SLC24A4: variants seen among roughly 807,000 people sequenced by gnomAD.
SLC24A4 encodes the protein sodium/potassium/calcium exchanger 4.
A neutral mutation model predicts 79.0 loss-of-function variants in SLC24A4; 53 were observed. That is an observed-to-expected ratio of 0.67 (90% CI 0.54 to 0.84). The LOEUF (loss-of-function observed/expected upper bound fraction) is 0.84. Ranked by LOEUF, SLC24A4 falls within the 40% of genes least tolerant of loss-of-function variation. SLC24A4 has a pLI of 0.00. For synonymous variants in SLC24A4, 323 were observed against 323.8 expected, an observed-to-expected ratio of 1.00 and a Z score of 0.03; for missense variants, 731 against 822.0, an observed-to-expected ratio of 0.89 and a Z score of 1.35.
At chr14:92,329,950 C>G (rs1044297308) in intron 2 of SLC24A4, among the ~76,000 whole-genome samples, 2 of 152,214 alleles carry the variant, frequency 1.3e-5, no homozygotes, top group Admixed American at 1.3e-4. Flanking sequence ...ACCTCAAGAG[C>G]TTTATAGGAA....
intron 2 of SLC24A4, among the ~76,000 whole-genome samples, chr14:92,409,676 A>G (rs1310680372): frequency 3.3e-5 from 5 of 152,204 alleles, no homozygotes; most frequent in East Asian, 1.9e-4. Context: ...ACTGGTGACA[A>G]CACAGACTAG....
rs112450147 is a variant in SLC24A4 at position 92,428,036 on chromosome 14, G to C, written c.242-5876G>C. Among the ~76,000 whole-genome samples, 212 of 152,264 alleles carry C rather than the reference G, an allele frequency of 1.4e-3. 8 individuals are homozygous for C. In the East Asian group the frequency reaches 0.034, roughly 25 times the overall value. Reference sequence around the variant, plus strand: ...CCAGTGCCTTCGTCTTGGACCCTCCGGCCTCCAGAACTGTGAGAAATAAAT... The same window carrying C: ...CCAGTGCCTTCGTCTTGGACCCTCCCGCCTCCAGAACTGTGAGAAATAAAT... On this transcript the variant is annotated intron_variant, in intron 2 of 16. Coordinates refer to ENST00000532405, the MANE Select transcript of SLC24A4 (RefSeq NM_153646.4).
chr14:92,355,734 T>C (rs1238428891), intron 2 of SLC24A4, among the ~76,000 whole-genome samples: 1 of 152,196 alleles, frequency 6.6e-6, no homozygotes, highest in Non-Finnish European at 1.5e-5. Flanking sequence ...AGGATCTGCC[T>C]GCATTCTGTA....
At chr14:92,459,258 G>A (rs900554127) in intron 12 of SLC24A4, among the ~76,000 whole-genome samples, 2 of 152,196 alleles carry the variant, frequency 1.3e-5, no homozygotes, top group South Asian at 2.1e-4. Flanking sequence ...GACCAGCCAC[G>A]CCTTCGCCTT....
chr14:92,499,989 G>T lies in SLC24A4; in HGVS notation c.*6361G>T, dbSNP rs1287269140. On this transcript the variant is annotated 3_prime_UTR_variant, in exon 17 of 17. Transcript: ENST00000532405. Reference sequence around the variant, plus strand: ...CGAGTAGCTGGGACTACAGGCGCCTGCCACCACACCCAGCTAATTTTTTGT... The same window carrying T: ...CGAGTAGCTGGGACTACAGGCGCCTTCCACCACACCCAGCTAATTTTTTGT... 4 of 151,992 alleles carry T rather than the reference G, an allele frequency of 2.6e-5. No individual in the cohort carries two copies. 9.4% of individuals were successfully genotyped at this position (151,992 alleles called of 1,614,324 possible).
intron 10 of SLC24A4, chr14:92,453,285 G>C (rs894894058): frequency 6.6e-6 from 1 of 152,240 alleles, no homozygotes; most frequent in Non-Finnish European, 1.5e-5. Flanking sequence ...CTCCTCTCCT[G>C]GGTCTTAGTT....
At chr14:92,328,731 G>T (rs1408381999) in intron 2 of SLC24A4, among the ~76,000 whole-genome samples, 1 of 152,256 alleles carries the variant, frequency 6.6e-6, no homozygotes, top group Non-Finnish European at 1.5e-5. Flanking sequence ...GTTCTGTTGG[G>T]CTGGGTTGGC....
chr14:92,381,490 A>G (rs1888847081), intron 2 of SLC24A4, among the ~76,000 whole-genome samples: 1 of 152,176 alleles, frequency 6.6e-6, no homozygotes, highest in African/African-American at 2.4e-5. Flanking sequence ...TGCGGGGCTT[A>G]AAGCCTAGAT....
At chr14:92,423,337 G>T (rs190873526) in intron 2 of SLC24A4, among the ~76,000 whole-genome samples, 3 of 151,206 alleles carry the variant, frequency 2.0e-5, no homozygotes, top group African/African-American at 7.3e-5. Context: ...TAGAGACGGG[G>T]TTTTGCCATG....
chr14:92,360,069 C>G (rs1478388599), intron 2 of SLC24A4, among the ~76,000 whole-genome samples: 1 of 152,172 alleles, frequency 6.6e-6, no homozygotes, highest in Non-Finnish European at 1.5e-5. Flanking sequence ...TAGGTGTGCA[C>G]CACCATGCCT....
intron 12 of SLC24A4, among the ~76,000 whole-genome samples, chr14:92,457,969 G>A (rs1349248113): frequency 6.6e-6 from 1 of 152,240 alleles, no homozygotes; most frequent in Non-Finnish European, 1.5e-5. Context: ...CCTGCCCCCT[G>A]CTTTCATGCT....
At chr14:92,379,660 G>A (rs1027818655) in intron 2 of SLC24A4, among the ~76,000 whole-genome samples, 1 of 152,112 alleles carries the variant, frequency 6.6e-6, no homozygotes, top group Non-Finnish European at 1.5e-5. Context: ...GGTGACTTCC[G>A]GGACACTGAC....
chr14:92,431,066 C>T (rs141485848), intron 2 of SLC24A4, among the ~76,000 whole-genome samples: 47 of 152,370 alleles, frequency 3.1e-4, no homozygotes, highest in Non-Finnish European at 5.9e-4. Context: ...TTCAGATTCT[C>T]ATGTAGCCCA....
intron 2 of SLC24A4, among the ~76,000 whole-genome samples, chr14:92,410,960 T>C (rs1890676675): frequency 6.6e-6 from 1 of 152,212 alleles, no homozygotes; most frequent in Admixed American, 6.5e-5. Context: ...CTGATGCATA[T>C]ACCCGTGGGA....
intron 2 of SLC24A4, among the ~76,000 whole-genome samples, chr14:92,359,795 C>T (rs966759920): frequency 3.3e-5 from 5 of 152,210 alleles, no homozygotes; most frequent in African/African-American, 9.7e-5. Context: ...CCAGTAATAC[C>T]GTCCTGACCT....
intron 2 of SLC24A4, among the ~76,000 whole-genome samples, chr14:92,376,242 G>A (rs1261381599): frequency 1.3e-5 from 2 of 152,122 alleles, no homozygotes; most frequent in Non-Finnish European, 2.9e-5. Context: ...TGGAGCTGCC[G>A]ATAGAACCTA....
intron 2 of SLC24A4, among the ~76,000 whole-genome samples, chr14:92,342,037 G>T (rs772142664): frequency 2.6e-5 from 4 of 152,196 alleles, no homozygotes; most frequent in Admixed American, 6.5e-5. Context: ...GAAAGGAAAG[G>T]TGGGGAAGTT....
chr14:92,335,182 C>T (rs899512418), intron 2 of SLC24A4, among the ~76,000 whole-genome samples: 8 of 152,170 alleles, frequency 5.3e-5, no homozygotes, highest in East Asian at 1.9e-4. Flanking sequence ...CAGAGTTCCT[C>T]TGTTACCCCT....
intron 12 of SLC24A4, among the ~76,000 whole-genome samples, chr14:92,466,629 C>T (rs1263905452): frequency 6.6e-6 from 1 of 152,208 alleles, no homozygotes; most frequent in East Asian, 1.9e-4. Flanking sequence ...CAGTGCTTCA[C>T]ATAAACATAG....
Sources: allele counts gnomAD v4.1 joint callset (sites outside exome capture counted in the v4.1 genomes callset), GRCh38; gene constraint gnomAD v4.1.1; transcripts MANE v1.5; gene names NCBI Gene and HGNC (gene_info 2026-07-23, HGNC 2026-07-21).